Variants in MEIKIN observed in about 807,000 individuals in gnomAD.
The protein encoded by MEIKIN is meiotic kinetochore factor, also known as meiosis-specific kinetochore protein.
chr5:131,834,696 C>T (rs1445282753), intron 11 of MEIKIN, among the ~76,000 whole-genome samples: 1 of 152,164 alleles, frequency 6.6e-6, no homozygotes, highest in East Asian at 1.9e-4. Flanking sequence ...TTTTCTTTAT[C>T]CATTAATCTG....
chr5:131,833,384 A>C (rs1211240178), intron 11 of MEIKIN, among the ~76,000 whole-genome samples: 1 of 152,190 alleles, frequency 6.6e-6, no homozygotes, highest in Non-Finnish European at 1.5e-5. Flanking sequence ...TTTATATTGC[A>C]ATCAACATTT....
intron 4 of MEIKIN, among the ~76,000 whole-genome samples, chr5:131,939,790 A>G (rs967533336): frequency 6.6e-6 from 1 of 152,180 alleles, no homozygotes; most frequent in African/African-American, 2.4e-5. Context: ...GAGACAACTA[A>G]TTTTCTATTT....
chr5:131,895,299 A>C (rs1352084434), intron 8 of MEIKIN, among the ~76,000 whole-genome samples: 1 of 152,182 alleles, frequency 6.6e-6, no homozygotes, highest in Admixed American at 6.5e-5. Context: ...TCAGTATTTT[A>C]CTGAGGATTT....
chr5:131,812,288 T>A (rs540636183), intron 12 of MEIKIN, among the ~76,000 whole-genome samples: 1 of 152,350 alleles, frequency 6.6e-6, no homozygotes, highest in East Asian at 1.9e-4. Context: ...TGAATGAATA[T>A]ACCATAGTTG....
At chr5:131,894,250 T>C (rs1184238907) in intron 8 of MEIKIN, among the ~76,000 whole-genome samples, 2 of 151,242 alleles carry the variant, frequency 1.3e-5, no homozygotes, top group Non-Finnish European at 3.0e-5. Context: ...TCTGTTCCAT[T>C]GGTCTACATG....
At chr5:131,833,593 T>C (rs1455020400) in intron 11 of MEIKIN, among the ~76,000 whole-genome samples, 3 of 152,188 alleles carry the variant, frequency 2.0e-5, no homozygotes, top group Non-Finnish European at 1.5e-5. Flanking sequence ...CGAAAAGCAC[T>C]TCTTACATGG....
rs138869586 is a variant in MEIKIN, at chr5:131,898,731, C to T, written c.703+13084G>A. On this transcript the variant is annotated intron_variant, in intron 8 of 12. Transcript: ENST00000442687. ...CTCCGTGGGCATGGGACCCCGTGAG[C>T]GAGGCACGGGAGAGAATCTCCTGGT... 6.7e-3 allele frequency among the ~76,000 whole-genome samples: 1,021 copies of T among 152,316 alleles called. 38 individuals carry two copies. Among genetic ancestry groups the T allele is most frequent in the East Asian group, 0.012 (61 of 5,176 alleles).
intron 11 of MEIKIN, among the ~76,000 whole-genome samples, chr5:131,821,968 C>T (rs554551858): frequency 3.9e-5 from 6 of 152,106 alleles, no homozygotes; most frequent in Non-Finnish European, 8.8e-5. Context: ...TATCTGGGTG[C>T]TCCAGTGTTA....
chr5:131,883,612 C>G (rs748803945), intron 8 of MEIKIN, among the ~76,000 whole-genome samples: 1 of 152,102 alleles, frequency 6.6e-6, no homozygotes. Flanking sequence ...GCAAGATGGC[C>G]GAACAGAAGA....
At chr5:131,940,223 A>C (rs1751846635) in intron 4 of MEIKIN, among the ~76,000 whole-genome samples, 1 of 152,202 alleles carries the variant, frequency 6.6e-6, no homozygotes, top group Non-Finnish European at 1.5e-5. Flanking sequence ...TATTTTTGAA[A>C]AAGTTAATAA....
At chr5:131,928,007 G>A (rs533985923) in intron 5 of MEIKIN, among the ~76,000 whole-genome samples, 8 of 151,806 alleles carry the variant, frequency 5.3e-5, no homozygotes, top group Admixed American at 3.3e-4. Context: ...AGCCGGGCAC[G>A]GTGGCGCGCG....
intron 11 of MEIKIN, among the ~76,000 whole-genome samples, chr5:131,850,657 C>T (rs1194801576): frequency 1.3e-5 from 2 of 152,148 alleles, no homozygotes; most frequent in African/African-American, 2.4e-5. Context: ...TTACCTAATA[C>T]TATACACAAA....
intron 5 of MEIKIN, among the ~76,000 whole-genome samples, chr5:131,922,203 T>C (rs1453204397): frequency 2.6e-5 from 4 of 152,230 alleles, no homozygotes; most frequent in African/African-American, 7.2e-5. Context: ...GTAGCACACA[T>C]GTGAGCTGCC....
chr5:131,913,562 T>C (rs1005949273), intron 7 of MEIKIN, among the ~76,000 whole-genome samples: 3 of 152,212 alleles, frequency 2.0e-5, no homozygotes, highest in African/African-American at 7.2e-5. Flanking sequence ...ATATAGCTCT[T>C]ATCAAAGAAA....
chr5:131,866,716 G>A (rs753291986), intron 9 of MEIKIN, among the ~76,000 whole-genome samples: 12 of 152,190 alleles, frequency 7.9e-5, no homozygotes, highest in Non-Finnish European at 1.6e-4. Context: ...GAGAGAGCAA[G>A]GGAGAATTCA....
At chr5:131,942,044 T>G (rs1465298928) in intron 4 of MEIKIN, among the ~76,000 whole-genome samples, 1 of 152,240 alleles carries the variant, frequency 6.6e-6, no homozygotes, top group African/African-American at 2.4e-5. Flanking sequence ...TTTCCAGTCC[T>G]TCTTCCACAC....
At chr5:131,927,500 G>A (rs1186519852) in intron 5 of MEIKIN, among the ~76,000 whole-genome samples, 1 of 152,312 alleles carries the variant, frequency 6.6e-6, no homozygotes, top group Non-Finnish European at 1.5e-5. Flanking sequence ...CGCTGTTCAA[G>A]TCTGCTGTTT....
chr5:131,941,545 T>C (rs1434204533), intron 4 of MEIKIN, among the ~76,000 whole-genome samples: 3 of 152,200 alleles, frequency 2.0e-5, no homozygotes, highest in East Asian at 3.8e-4. Context: ...AGTGGTTTTT[T>C]TTCCTGCTGT....
chr5:131,913,178 C>T (rs1751357911), intron 7 of MEIKIN, among the ~76,000 whole-genome samples: 1 of 152,152 alleles, frequency 6.6e-6, no homozygotes, highest in African/African-American at 2.4e-5. Flanking sequence ...TTTATCATCT[C>T]CTCAGCTTTT....
Sources: allele counts gnomAD v4.1 joint callset (sites outside exome capture counted in the v4.1 genomes callset), GRCh38; gene constraint gnomAD v4.1.1; transcripts MANE v1.5; gene names NCBI Gene and HGNC (gene_info 2026-07-23, HGNC 2026-07-21).